PYGB: variants seen among roughly 807,000 people sequenced by gnomAD.
The protein encoded by PYGB is glycogen phosphorylase, brain form.
PYGB carries 82 observed loss-of-function variants against 94.3 expected under a neutral mutation model. The observed-to-expected ratio is 0.87, with a 90% CI of 0.73 to 1.04. The LOEUF (loss-of-function observed/expected upper bound fraction) is 1.04. Among genes scored for constraint, PYGB ranks in the 50% least tolerant of loss-of-function variants. PYGB has a pLI of 0.00. For synonymous variants in PYGB, 488 were observed against 479.1 expected, an observed-to-expected ratio of 1.02 and a Z score of -0.24; for missense variants, 1,132 against 1,158.2, an observed-to-expected ratio of 0.98 and a Z score of 0.33.
In PYGB at chr20:25,295,810, C is replaced by T. The variant is rs916201418; in HGVS notation, c.2379+140C>T. ...TTTGTGATTCTGATCTGTCATCAGT[C>T]GGCTGTGCCTGCCTTTAGGGAAGCT... On this transcript the variant is annotated intron_variant, in intron 19 of 19. Coordinates refer to ENST00000216962, the MANE Select transcript of PYGB (RefSeq NM_002862.4). 27 of 946,452 alleles carry T rather than the reference C, an allele frequency of 2.9e-5. 1 individual carries two copies. The highest frequency in any genetic ancestry group is 1.0e-4 in the South Asian group (7 of 68,860). The allele number at this position is 946,452 out of a possible 1,614,324, so 58.6% of individuals were successfully genotyped here. A position where few individuals can be genotyped will look rare whatever the true frequency, so the allele number is the denominator to read the frequency against.
intron 13 of PYGB, 126 bp from the exon 14 acceptor site, chr20:25,283,978 C>T (rs2088393675): frequency 2.6e-6 from 3 of 1,170,240 alleles, no homozygotes; most frequent in Non-Finnish European, 3.6e-6. Context: ...CCCCTCAGCT[C>T]CAGCCTGTAT....
chr20:25,277,459 C>T (rs2088323683), intron 7 of PYGB, 133 bp downstream of exon 7: 2 of 765,212 alleles, frequency 2.6e-6, no homozygotes, highest in African/African-American at 3.5e-5. Context: ...GCCCTCTCGC[C>T]TTAGGTGCAC....
At chr20:25,253,832 C>A (rs189901371) in intron 1 of PYGB, among the ~76,000 whole-genome samples, 1 of 152,048 alleles carries the variant, frequency 6.6e-6, no homozygotes, top group Admixed American at 6.6e-5. Flanking sequence ...GTCATTTTGT[C>A]GCTGTAAGTT....
At position 25,268,780 on chromosome 20, in the gene PYGB, C is replaced by T. The variant is rs536755128; in HGVS notation, c.346-349C>T. Among the ~76,000 whole-genome samples, 4 of 152,326 alleles carry T rather than the reference C, an allele frequency of 2.6e-5. No individual in the cohort carries two copies. The South Asian group carries it at 8.3e-4, about 32-fold the overall frequency. Reference sequence around the variant, plus strand: ...AACATTGTTTGAATACAATTGGAATCACCACAGGAAAAGTGCTTTTAGGTT... The same window carrying T: ...AACATTGTTTGAATACAATTGGAATTACCACAGGAAAAGTGCTTTTAGGTT... On this transcript the variant is annotated intron_variant, in intron 2 of 19. Transcript: ENST00000216962.
intron 1 of PYGB, among the ~76,000 whole-genome samples, chr20:25,257,868 G>C (rs183956124): frequency 1.1e-4 from 17 of 152,162 alleles, no homozygotes; most frequent in African/African-American, 3.9e-4. Context: ...CTCTGCCAGA[G>C]GGGGGAGGCA....
intron 15 of PYGB, chr20:25,289,735 T>C (rs150429107): frequency 4.4e-6 from 2 of 458,062 alleles, no homozygotes; most frequent in Non-Finnish European, 9.2e-6. Flanking sequence ...TCACCCAGAC[T>C]AGCTGAAGCA....
At chr20:25,295,549 C>A in intron 18 of PYGB, 55 bp from the exon 19 acceptor site, 3 of 1,548,158 alleles carry the variant, frequency 1.9e-6, no homozygotes, top group Non-Finnish European at 2.7e-6. Flanking sequence ...CCCCTCGGGA[C>A]AGTGTGGGCA....
intron 14 of PYGB, 85 bp downstream of exon 14, chr20:25,284,336 C>T (rs2088398571): frequency 6.6e-7 from 1 of 1,522,382 alleles, no homozygotes; most frequent in African/African-American, 1.4e-5. Context: ...CCCTGGGCCT[C>T]TGTCATGGTG....
intron 14 of PYGB, chr20:25,288,106 C>CT: frequency 2.1e-6 from 1 of 470,482 alleles, no homozygotes. Flanking sequence ...AGCTTTTCCT[C>CT]TGAGCCCCGG....
At chr20:25,292,288 C>G in intron 16 of PYGB, 118 bp from the exon 17 acceptor site, 2 of 1,091,144 alleles carry the variant, frequency 1.8e-6, no homozygotes, top group Middle Eastern at 3.0e-4. Flanking sequence ...GGGGCCACAG[C>G]ATTGGTCCCT....
At position 25,292,443 on chromosome 20, in the gene PYGB, T is replaced by G. The variant is rs201410684; in HGVS notation, c.2007T>G (p.Thr669=). The change falls in exon 17 of 20, where the codon ACT becomes ACG. Residue 669 remains threonine (T), a synonymous_variant. Coordinates refer to ENST00000216962, the MANE Select transcript of PYGB (RefSeq NM_002862.4). ...CTGATCTGTCGCAGCAGATCTCCAC[T>G]GCAGGCACCGAGGCCTCAGGCACAG... ...PAADLSQQIS[T]AGTEASGTGN... The G allele has an allele frequency of 6.8e-6, 11 of 1,613,300 alleles. No homozygotes were observed. Among genetic ancestry groups the G allele is most frequent in the Non-Finnish European group, 9.3e-6 (11 of 1,179,980 alleles).
At chr20:25,293,801 T>G (rs1271107806) in intron 17 of PYGB, 5 of 311,534 alleles carry the variant, frequency 1.6e-5, no homozygotes, top group Non-Finnish European at 3.0e-5. Context: ...CGGCCGTCTG[T>G]TTTTCAAAAG....
At chr20:25,289,738 C>T in intron 15 of PYGB, 1 of 467,200 alleles carries the variant, frequency 2.1e-6, no homozygotes, top group Non-Finnish European at 4.5e-6. Context: ...CCCAGACTAG[C>T]TGAAGCATTT....
Position 25,278,427 on chromosome 20 carries a change from C to G in PYGB, c.964C>G (p.Pro322Ala), listed in dbSNP as rs750389028. Residue 322 changes from proline to alanine, a missense_variant, in exon 8 of 20, where the codon CCT becomes GCT. Coordinates refer to ENST00000216962, the MANE Select transcript of PYGB (RefSeq NM_002862.4). ...GTCGTCCAAGTTCGGCTGCCGGGAC[C>G]CTGTGAGAACCTGTTTCGAGACGTT... ...FKSSKFGCRD[P>A]VRTCFETFPD... 2 of 1,614,218 alleles carry G rather than the reference C, an allele frequency of 1.2e-6. No homozygotes were observed. The highest frequency in any genetic ancestry group is 1.7e-6 in the Non-Finnish European group (2 of 1,180,044).
chr20:25,293,073 T>C (rs552959104), intron 17 of PYGB, among the ~76,000 whole-genome samples: 1 of 149,434 alleles, frequency 6.7e-6, no homozygotes, highest in Admixed American at 6.8e-5. Context: ...TTGTAACTGT[T>C]AAAATTGTTT....
chr20:25,272,841 G>T (rs771202162), intron 4 of PYGB, among the ~76,000 whole-genome samples: 5 of 152,186 alleles, frequency 3.3e-5, no homozygotes, highest in Non-Finnish European at 7.4e-5. Context: ...GTCACGTGTG[G>T]GTTTATAAGG....
In PYGB at chr20:25,280,932, C is replaced by T. The variant is rs774621914; in HGVS notation, c.1240-17C>T. The stretch of plus-strand genomic sequence containing the variant: ...GCCTCCTGTGCCCACCCACCTGCCT[C>T]TGTGTTTTGGCACCAGCACGTGGCC... On this transcript the variant is annotated splice_polypyrimidine_tract_variant and intron_variant, in intron 10 of 19. Coordinates refer to ENST00000216962, the MANE Select transcript of PYGB (RefSeq NM_002862.4). 20 of 1,612,702 alleles carry T rather than the reference C, an allele frequency of 1.2e-5. No individual in the cohort carries two copies. In the East Asian group the frequency reaches 3.8e-4, roughly 31 times the overall value.
chr20:25,286,657 G>A (rs914661130), intron 14 of PYGB, among the ~76,000 whole-genome samples: 7 of 152,140 alleles, frequency 4.6e-5, no homozygotes, highest in Non-Finnish European at 1.0e-4. Flanking sequence ...CGCCTCTGCT[G>A]TCTCTCCGGG....
At position 25,277,331 on chromosome 20, in the gene PYGB, G is replaced by A. The variant is rs1164788523; in HGVS notation, c.855+5G>A. On this transcript the variant is annotated splice_donor_5th_base_variant and intron_variant, in intron 7 of 19. Transcript: ENST00000216962. ...GTCCTGTATCCAAATGATAACGTGA[G>A]TAGCTGGCCTGGGCACTCTTGCTCA... 1.1e-5 allele frequency: 17 copies of A among 1,553,166 alleles called. No homozygotes were observed. Among genetic ancestry groups the A allele is most frequent in the Non-Finnish European group, 1.4e-5 (16 of 1,124,750 alleles).
Sources: allele counts gnomAD v4.1 joint callset (sites outside exome capture counted in the v4.1 genomes callset), GRCh38; gene constraint gnomAD v4.1.1; transcripts MANE v1.5; gene names NCBI Gene and HGNC (gene_info 2026-07-23, HGNC 2026-07-21).